BUB1B: variants seen among roughly 807,000 people sequenced by gnomAD.
The protein encoded by BUB1B is mitotic checkpoint serine/threonine-protein kinase BUB1 beta.
Under a neutral mutation model 137.7 loss-of-function variants are expected in BUB1B, and 86 were observed. The ratio of observed to expected loss-of-function variants is 0.62; its 90% CI spans 0.52 to 0.75. BUB1B has a LOEUF of 0.75. BUB1B is among the 30% of genes least tolerant of loss of function. The pLI is 0.00. For missense variants in BUB1B, 1,130 were observed against 1,236.9 expected (o/e 0.91, Z 1.30); for synonymous variants, 420 against 417.9 (o/e 1.00, Z -0.06).
chr15:40,193,827 G>T (rs887733245), intron 8 of BUB1B, among the ~76,000 whole-genome samples: 15 of 151,762 alleles, frequency 9.9e-5, no homozygotes, highest in African/African-American at 3.6e-4. Flanking sequence ...CTGAGAGGCG[G>T]AGGTTGCAGT....
chr15:40,164,935 A>G (rs973182817), intron 1 of BUB1B, 118 bp from the exon 2 acceptor site: 5 of 1,235,604 alleles, frequency 4.0e-6, no homozygotes, highest in Non-Finnish European at 5.8e-6. Context: ...ATTATGTGTC[A>G]GTCCACTATA....
intron 3 of BUB1B, 127 bp from the exon 4 acceptor site, chr15:40,170,410 G>C: frequency 1.8e-6 from 2 of 1,117,400 alleles, no homozygotes; most frequent in South Asian, 2.6e-5. Context: ...ACAGGCTTAG[G>C]GTATGTCATT....
At position 40,196,532 on chromosome 15, in the gene BUB1B, T is replaced by G. The variant is rs1566823719; in HGVS notation, c.1059-13T>G. 6.2e-7 allele frequency: 1 copy of G among 1,602,912 alleles called. No individual in the cohort carries two copies. The highest frequency in any genetic ancestry group is 1.3e-5 in the African/African-American group (1 of 74,732). ...TTTGACCCATATGAATAATAGTAAT[T>G]TTGCTTCTTTAGGACACCATGTAAA... On this transcript the variant is annotated splice_polypyrimidine_tract_variant and intron_variant, in intron 8 of 22. Transcript: ENST00000287598.
chr15:40,186,668 A>G (rs2037367263), intron 8 of BUB1B, among the ~76,000 whole-genome samples: 1 of 149,690 alleles, frequency 6.7e-6, no homozygotes, highest in South Asian at 2.1e-4. Context: ...GATGGTCTCG[A>G]TCTCCTGACC....
At chr15:40,162,950 G>A (rs28668026) in intron 1 of BUB1B, among the ~76,000 whole-genome samples, 9,057 of 152,060 alleles carry the variant, frequency 0.06, 888 homozygotes, top group African/African-American at 0.21. Context: ...GTATAACATC[G>A]TTTCGTTATA....
Position 40,168,363 on chromosome 15 carries a change from G to A in BUB1B, c.180-1699G>A, listed in dbSNP as rs117256862. Among the ~76,000 whole-genome samples the A allele has an allele frequency of 2.7e-3, 403 of 150,552 alleles. 10 individuals carry two copies. In the East Asian group the frequency reaches 0.058, roughly 22 times the overall value. On this transcript the variant is annotated intron_variant, in intron 2 of 22. Transcript: ENST00000287598. ...GCCTGGGTAGCAACAGCGAAATTCC[G>A]TCTCAAAAAAAAAAGAAAAGGAAAA... is the stretch of plus-strand genomic sequence containing the variant.
intron 8 of BUB1B, among the ~76,000 whole-genome samples, chr15:40,186,055 A>G (rs2037357070): frequency 6.6e-6 from 1 of 152,220 alleles, no homozygotes; most frequent in Non-Finnish European, 1.5e-5. Flanking sequence ...TGGATTGAAC[A>G]TACATAAATA....
rs1230528383 is a variant in BUB1B at position 40,167,271 on chromosome 15, C to T, written c.179+2075C>T. 3.4e-5 allele frequency among the ~76,000 whole-genome samples: 5 copies of T among 147,232 alleles called. No homozygotes were observed. In the East Asian group the frequency reaches 9.9e-4, roughly 29 times the overall value. On this transcript the variant is annotated intron_variant, in intron 2 of 22. Coordinates refer to ENST00000287598, the MANE Select transcript of BUB1B (RefSeq NM_001211.6). ...TGGTTAGCATTTTTTGTGTCCTCTT[C>T]AGGAGACTTTTGCCTACCCCAAAGT...
chr15:40,188,783 A>G (rs2037400864), intron 8 of BUB1B, among the ~76,000 whole-genome samples: 1 of 152,034 alleles, frequency 6.6e-6, no homozygotes, highest in South Asian at 2.1e-4. Flanking sequence ...TGGTTTCACC[A>G]TATTGGCCAG....
chr15:40,191,860 C>CTT (rs560900744), intron 8 of BUB1B, among the ~76,000 whole-genome samples: 2 of 148,388 alleles, frequency 1.3e-5, no homozygotes, highest in East Asian at 2.0e-4. Flanking sequence ...ACCACACAGT[C>CTT]TTTTTTTTTT....
Position 40,187,449 on chromosome 15 carries a change from G to A in BUB1B, c.1058+1807G>A, listed in dbSNP as rs8036845. 2.0e-5 allele frequency among the ~76,000 whole-genome samples: 3 copies of A among 152,016 alleles called. No individual in the cohort carries two copies. The South Asian group carries it at 6.2e-4, about 32-fold the overall frequency. On this transcript the variant is annotated intron_variant, in intron 8 of 22. Transcript: ENST00000287598. ...TCAACAATTTTTTTTTAATTAGCTG[G>A]GTATGGTGGTGGGTGCCTGTAGTCC...
intron 8 of BUB1B, among the ~76,000 whole-genome samples, chr15:40,190,574 A>T (rs2037423821): frequency 6.6e-6 from 1 of 152,210 alleles, no homozygotes; most frequent in Non-Finnish European, 1.5e-5. Context: ...GGGTCACGCC[A>T]CTGTACTCCA....
At chr15:40,185,432 A>G in intron 7 of BUB1B, 53 bp downstream of exon 7, 2 of 1,597,404 alleles carry the variant, frequency 1.3e-6, no homozygotes, top group Non-Finnish European at 1.7e-6. Flanking sequence ...CTTCACATTT[A>G]GGGTAGAGAA....
At chr15:40,214,512 C>G (rs1453746249) in intron 20 of BUB1B, among the ~76,000 whole-genome samples, 1 of 152,150 alleles carries the variant, frequency 6.6e-6, no homozygotes, top group Non-Finnish European at 1.5e-5. Flanking sequence ...GAGGTGTTAA[C>G]TTTGTTTCTG....
intron 20 of BUB1B, among the ~76,000 whole-genome samples, chr15:40,216,919 A>AT (rs980378341): frequency 3.3e-5 from 5 of 152,194 alleles, no homozygotes; most frequent in African/African-American, 1.2e-4. Flanking sequence ...TATTATAAAG[A>AT]TTTTTTTAGT....
chr15:40,217,583 G>C lies in BUB1B; in HGVS notation c.2766G>C (p.Leu922=). 6.2e-7 allele frequency: 1 copy of C among 1,614,078 alleles called. No homozygotes were observed. Among genetic ancestry groups the C allele is most frequent in the Non-Finnish European group, 8.5e-7 (1 of 1,180,000 alleles). The change falls in exon 21 of 23, where the codon CTG becomes CTC. Residue 922 remains leucine, a synonymous_variant. Transcript: ENST00000287598. ...ACAGTGTTGACCTTAGGGTGCAGCT[G>C]GATGTTTTTACCCTCAGCGGCTTTC... ...FSYSVDLRVQ[L]DVFTLSGFRT...
At chr15:40,166,758 C>T (rs776992809) in intron 2 of BUB1B, among the ~76,000 whole-genome samples, 3 of 152,208 alleles carry the variant, frequency 2.0e-5, no homozygotes, top group Non-Finnish European at 2.9e-5. Flanking sequence ...TTTCTACCAG[C>T]AACTCATGAG....
chr15:40,187,771 C>CAGTG (rs2037385856), intron 8 of BUB1B, among the ~76,000 whole-genome samples: 1 of 151,710 alleles, frequency 6.6e-6, no homozygotes, highest in African/African-American at 2.4e-5. Context: ...TAGCCAAGTG[C>CAGTG]AGTGGCTTGC....
rs891740196 is a variant in BUB1B at position 40,199,821 on chromosome 15, A to G, written c.1401+94A>G. ...GAAGGTTAAAGTCCTCCCAACCCCC[A>G]TTTAGAGTTTCTGGTAGTTTCTTAG... On this transcript the variant is annotated intron_variant, in intron 10 of 22. Transcript: ENST00000287598. The G allele has an allele frequency of 5.1e-6, 5 of 985,314 alleles. No individual in the cohort carries two copies. In the African/African-American group the frequency reaches 6.5e-5, roughly 13 times the overall value. 61.0% of individuals were successfully genotyped at this position (985,314 alleles called of 1,614,324 possible). A position where few individuals can be genotyped will look rare whatever the true frequency, so the allele number is the denominator to read the frequency against.
Sources: allele counts gnomAD v4.1 joint callset (sites outside exome capture counted in the v4.1 genomes callset), GRCh38; gene constraint gnomAD v4.1.1; transcripts MANE v1.5; gene names NCBI Gene and HGNC (gene_info 2026-07-23, HGNC 2026-07-21).